Variants in ARK2N observed in about 807,000 individuals in gnomAD.
ARK2N encodes protein ARK2N.
chr18:46,223,323 A>C, the ARK2N span, among the ~76,000 whole-genome samples: 1 of 152,220 alleles, frequency 6.6e-6, no homozygotes, highest in Non-Finnish European at 1.5e-5. Context: ...TTAAAAAGTG[A>C]AAACAGCATA....
At chr18:46,188,508 CTTGT>C in the ARK2N span, among the ~76,000 whole-genome samples, 2 of 151,822 alleles carry the variant, frequency 1.3e-5, no homozygotes, top group Non-Finnish European at 2.9e-5. Flanking sequence ...GGCGGCCCAG[CTTGT>C]TTTTCTTATT....
At chr18:46,250,427 A>T in the ARK2N span, among the ~76,000 whole-genome samples, 1 of 149,454 alleles carries the variant, frequency 6.7e-6, no homozygotes, top group African/African-American at 2.5e-5. Context: ...AAACCTAAGC[A>T]TCATTTTTGA....
the ARK2N span, among the ~76,000 whole-genome samples, chr18:46,177,173 G>C: frequency 4.6e-5 from 7 of 152,146 alleles, no homozygotes; most frequent in Non-Finnish European, 8.8e-5. Context: ...TAGGCAAAAT[G>C]AAGTACATAT....
chr18:46,239,044 C>G, the ARK2N span, among the ~76,000 whole-genome samples: 1 of 152,074 alleles, frequency 6.6e-6, no homozygotes, highest in Admixed American at 6.5e-5. Context: ...AGAGGGATTT[C>G]TTACTTGAAG....
At chr18:46,240,054 C>G in the ARK2N span, 1 of 1,614,174 alleles carries the variant, frequency 6.2e-7, no homozygotes, top group South Asian at 1.1e-5. Flanking sequence ...CCAACTCTGA[C>G]CCAGAAGTGG....
At chr18:46,261,161 A>G in the ARK2N span, among the ~76,000 whole-genome samples, 1 of 152,148 alleles carries the variant, frequency 6.6e-6, no homozygotes, top group Admixed American at 6.6e-5. Flanking sequence ...TTATACTTCT[A>G]AATTGTTAGT....
chr18:46,241,196 G>T, the ARK2N span, among the ~76,000 whole-genome samples: 4 of 152,104 alleles, frequency 2.6e-5, no homozygotes, highest in Non-Finnish European at 5.9e-5. Flanking sequence ...TCTTTGATTG[G>T]AATTACAGAA....
At chr18:46,227,910 T>G in the ARK2N span, among the ~76,000 whole-genome samples, 17 of 152,186 alleles carry the variant, frequency 1.1e-4, no homozygotes, top group South Asian at 2.1e-4. Flanking sequence ...TCTCTTTTTT[T>G]TGTGTGTAAT....
the ARK2N span, among the ~76,000 whole-genome samples, chr18:46,234,111 A>T: frequency 6.6e-6 from 1 of 152,080 alleles, no homozygotes; most frequent in Non-Finnish European, 1.5e-5. Flanking sequence ...ATTATTCTGC[A>T]TGTATTTTCT....
the ARK2N span, among the ~76,000 whole-genome samples, chr18:46,254,888 C>A: frequency 2.0e-5 from 3 of 152,090 alleles, no homozygotes; most frequent in East Asian, 3.9e-4. Flanking sequence ...CCTCCCCTGC[C>A]GCACATGCAC....
chr18:46,191,793 C>T, the ARK2N span, among the ~76,000 whole-genome samples: 5 of 152,246 alleles, frequency 3.3e-5, no homozygotes, highest in African/African-American at 1.2e-4. Flanking sequence ...AGTAGTTTGG[C>T]CTAAAAATCC....
the ARK2N span, among the ~76,000 whole-genome samples, chr18:46,189,212 C>CAAAAAAA: frequency 4.7e-3 from 412 of 86,848 alleles, 10 homozygotes; most frequent in African/African-American, 0.019. Flanking sequence ...GAGACTGTCT[C>CAAAAAAA]AAAAAAAAAA....
the ARK2N span, among the ~76,000 whole-genome samples, chr18:46,207,055 C>T: frequency 5.2e-4 from 79 of 152,306 alleles, 1 homozygote; most frequent in Middle Eastern, 6.8e-3. Context: ...GGATTATAGG[C>T]ATGAGCCGCT....
chr18:46,213,390 C>G, the ARK2N span, among the ~76,000 whole-genome samples: 11 of 151,982 alleles, frequency 7.2e-5, no homozygotes, highest in Non-Finnish European at 1.2e-4. Flanking sequence ...TCTTTGTCCC[C>G]CCCACTGCTA....
chr18:46,211,764 C>T, the ARK2N span, among the ~76,000 whole-genome samples: 2 of 152,044 alleles, frequency 1.3e-5, no homozygotes, highest in Admixed American at 6.6e-5. Flanking sequence ...AAGTGCTGTT[C>T]TAATAGGAAA....
At chr18:46,249,825 C>G in the ARK2N span, among the ~76,000 whole-genome samples, 1 of 151,978 alleles carries the variant, frequency 6.6e-6, no homozygotes, top group Non-Finnish European at 1.5e-5. Flanking sequence ...CCTTCCCTTT[C>G]ATTATTCTTC....
At chr18:46,220,970 T>C in the ARK2N span, among the ~76,000 whole-genome samples, 1 of 151,962 alleles carries the variant, frequency 6.6e-6, no homozygotes, top group South Asian at 2.1e-4. Context: ...ACCTCATCGC[T>C]ACTAGAAATA....
the ARK2N span, among the ~76,000 whole-genome samples, chr18:46,202,523 A>G: frequency 6.6e-6 from 1 of 152,024 alleles, no homozygotes; most frequent in African/African-American, 2.4e-5. Flanking sequence ...GTTTGAAGAG[A>G]TTGTGTAGAC....
chr18:46,227,066 C>T, the ARK2N span, among the ~76,000 whole-genome samples: 10 of 152,288 alleles, frequency 6.6e-5, no homozygotes, highest in Non-Finnish European at 1.0e-4. Flanking sequence ...ACCTCCACCT[C>T]CCAAAGTGTT....
Sources: gnomAD v4.1 joint callset for allele counts (sites outside exome capture counted in the v4.1 genomes callset) on GRCh38, gnomAD v4.1.1 for gene constraint, MANE v1.5 for transcripts, NCBI Gene and HGNC (gene_info 2026-07-23, HGNC 2026-07-21) for gene names.